Variants in MTRFR observed in about 807,000 individuals in gnomAD.
MTRFR encodes the protein mitochondrial translation release factor in rescue.
MTRFR carries 10 observed loss-of-function variants against 11.9 expected under a neutral mutation model. The observed-to-expected ratio is 0.84, with a 90% CI of 0.52 to 1.42. The LOEUF (loss-of-function observed/expected upper bound fraction) is 1.42. Among genes scored for constraint, MTRFR ranks in the 40% most tolerant of loss-of-function variants. The probability of loss-of-function intolerance (pLI) is 0.00; values close to 1 mark genes in which losing one functional copy is unlikely to be tolerated. For synonymous variants in MTRFR, 77 were observed against 79.1 expected (o/e 0.97, Z 0.14); for missense variants, 196 against 197.9 (o/e 0.99, Z 0.06).
In MTRFR at chr12:123,256,997, A is replaced by AAGAACTGTGGG; in HGVS notation, c.470_480dup (p.Ser161AsnfsTer19). On this transcript the variant is annotated frameshift_variant, in exon 3 of 3. Transcript: ENST00000253233. LOFTEE classifies it high-confidence loss of function. ...ACCCTGGAAAAAAAGAAGCTACTTA[A>AAGAACTGTGGG]AGAACTGTGGGAGTCAAGTAAAAAG... 1.9e-6 allele frequency: 3 copies of AAGAACTGTGGG among 1,612,638 alleles called. No individual in the cohort carries two copies. The highest frequency in any genetic ancestry group is 2.5e-6 in the Non-Finnish European group (3 of 1,179,790).
chr12:123,237,415 C>T (rs1378015193), intron 1 of MTRFR, among the ~76,000 whole-genome samples: 4 of 152,080 alleles, frequency 2.6e-5, no homozygotes, highest in Non-Finnish European at 5.9e-5. Flanking sequence ...GGGTGACAAG[C>T]GAAACTCCGG....
intron 1 of MTRFR, among the ~76,000 whole-genome samples, chr12:123,236,488 G>A (rs568122541): frequency 5.3e-5 from 8 of 152,154 alleles, no homozygotes; most frequent in Admixed American, 2.0e-4. Context: ...AGCTACTGGG[G>A]AGGCTGAGGC....
chr12:123,255,351 A>G (rs2048171714), intron 2 of MTRFR, among the ~76,000 whole-genome samples: 1 of 152,242 alleles, frequency 6.6e-6, no homozygotes, highest in Admixed American at 6.5e-5. Flanking sequence ...AGTGTCATTC[A>G]TGAGTAACAA....
intron 1 of MTRFR, chr12:123,252,529 T>C (rs1040986607): frequency 5.3e-5 from 8 of 151,710 alleles, no homozygotes; most frequent in Non-Finnish European, 1.0e-4. Flanking sequence ...ATGTTCACAT[T>C]CAAATCCATG....
intron 1 of MTRFR, among the ~76,000 whole-genome samples, chr12:123,240,160 T>A (rs938774276): frequency 3.4e-5 from 5 of 146,486 alleles, no homozygotes; most frequent in Non-Finnish European, 6.0e-5. Context: ...GGTCAGGAGT[T>A]CGAGACCACC....
intron 1 of MTRFR, among the ~76,000 whole-genome samples, chr12:123,253,039 A>ACC (rs1042522520): frequency 4.6e-5 from 5 of 108,688 alleles, no homozygotes; most frequent in African/African-American, 1.8e-4. Context: ...TGCACTATTT[A>ACC]CCTGTATCAA....
At chr12:123,237,791 T>C (rs1334986160) in intron 1 of MTRFR, among the ~76,000 whole-genome samples, 1 of 152,232 alleles carries the variant, frequency 6.6e-6, no homozygotes, top group Non-Finnish European at 1.5e-5. Context: ...GTTTCAGCCC[T>C]TAAGGATTTC....
At chr12:123,253,586 G>A in intron 1 of MTRFR, 61 bp from the exon 2 acceptor site, 1 of 1,523,902 alleles carries the variant, frequency 6.6e-7, no homozygotes, top group South Asian at 1.1e-5. Context: ...CTTTGAATCT[G>A]AAGCATAATC....
intron 1 of MTRFR, among the ~76,000 whole-genome samples, chr12:123,245,204 G>C (rs1191291429): frequency 6.6e-6 from 1 of 152,030 alleles, no homozygotes; most frequent in Non-Finnish European, 1.5e-5. Context: ...CCAAAGTGCT[G>C]GGATTACAGG....
intron 1 of MTRFR, among the ~76,000 whole-genome samples, chr12:123,238,345 T>G (rs1028571293): frequency 6.6e-6 from 1 of 152,220 alleles, no homozygotes; most frequent in African/African-American, 2.4e-5. Context: ...CAATGTTGTT[T>G]GGCCCTTAAC....
chr12:123,246,218 G>A (rs569444530), intron 1 of MTRFR, among the ~76,000 whole-genome samples: 10 of 150,970 alleles, frequency 6.6e-5, no homozygotes, highest in East Asian at 2.0e-4. Flanking sequence ...CACCACGCCC[G>A]GCTAATTTTG....
At chr12:123,245,880 T>C (rs190728330) in intron 1 of MTRFR, among the ~76,000 whole-genome samples, 59 of 152,278 alleles carry the variant, frequency 3.9e-4, no homozygotes, top group African/African-American at 1.4e-3. Context: ...TCTTTATGGA[T>C]GTGGATGCCC....
At chr12:123,256,640 G>C (rs1035087165) in intron 2 of MTRFR, among the ~76,000 whole-genome samples, 173 bp from the exon 3 acceptor site, 5 of 152,168 alleles carry the variant, frequency 3.3e-5, no homozygotes, top group African/African-American at 4.8e-5. Flanking sequence ...AGGTTGCAGT[G>C]AGCCAAGATC....
chr12:123,248,786 TGCTGATTGGTCCATTTTACAGAGA>T (rs1467827864), intron 1 of MTRFR: 17 of 152,246 alleles, frequency 1.1e-4, no homozygotes, highest in African/African-American at 3.4e-4. Context: ...ACCCACATCC[TGCTGATTGGTCCATTTTACAGAGA>T]GCTGATTGGC....
chr12:123,243,508 C>T (rs1389911148), intron 1 of MTRFR, among the ~76,000 whole-genome samples: 2 of 135,768 alleles, frequency 1.5e-5, no homozygotes, highest in Admixed American at 8.1e-5. Context: ...CCAGCCTGGG[C>T]GACAGAGCGA....
At chr12:123,236,724 C>G (rs947340511) in intron 1 of MTRFR, among the ~76,000 whole-genome samples, 2 of 152,046 alleles carry the variant, frequency 1.3e-5, no homozygotes, top group African/African-American at 4.8e-5. Context: ...GTTATTCCTG[C>G]TTTTTTAATG....
chr12:123,256,840 A>T lies in MTRFR; in HGVS notation c.310A>T (p.Asn104Tyr). The stretch of plus-strand genomic sequence containing the variant: ...CCATCAGACAAGATCAGTTGATCAG[A>T]ACAGAAAGCTAGCTCGGAAAATCCT... The part of the protein sequence containing the change: ...KCHQTRSVDQ[N>Y]RKLARKILQE... The change falls in exon 3 of 3, where the codon AAC becomes TAC. Residue 104 changes from asparagine to tyrosine, a missense_variant. Physicochemically the swap from Asn to Tyr is moderately radical, Grantham distance 143. Transcript: ENST00000253233. The T allele has an allele frequency of 6.2e-7, 1 of 1,613,616 alleles. No homozygotes were observed. The highest frequency in any genetic ancestry group is 8.5e-7 in the Non-Finnish European group (1 of 1,179,536).
At chr12:123,233,726 C>T (rs1316249766) in intron 1 of MTRFR, 195 bp downstream of exon 1, 1 of 152,306 alleles carries the variant, frequency 6.6e-6, no homozygotes, top group African/African-American at 2.4e-5. Context: ...TTCTCGGGAC[C>T]TGGTTTACGC....
intron 1 of MTRFR, among the ~76,000 whole-genome samples, chr12:123,247,314 T>G (rs932969431): frequency 6.6e-6 from 1 of 152,166 alleles, no homozygotes; most frequent in Non-Finnish European, 1.5e-5. Flanking sequence ...TAGTAATTGT[T>G]TTATAAATTT....
Sources: gnomAD v4.1 joint callset for allele counts (sites outside exome capture counted in the v4.1 genomes callset) on GRCh38, gnomAD v4.1.1 for gene constraint, MANE v1.5 for transcripts, NCBI Gene and HGNC (gene_info 2026-07-23, HGNC 2026-07-21) for gene names.